The following NALF1 variants were observed in gnomAD, a reference collection of about 807,000 sequenced individuals.
The protein encoded by NALF1 is family with sequence similarity 155 member A.
NALF1 carries 3 observed loss-of-function variants against 48.4 expected under a neutral mutation model. That is an observed-to-expected ratio of 0.06 (90% CI 0.03 to 0.16). NALF1 has a LOEUF of 0.16. Among genes scored for constraint, NALF1 ranks in the 10% least tolerant of loss-of-function variants. The pLI, the probability that NALF1 is intolerant of heterozygous loss-of-function variation, is 1.00. For synonymous variants in NALF1, 262 were observed against 245.7 expected, an observed-to-expected ratio of 1.07 and a Z score of -0.62; for missense variants, 526 against 571.5, an observed-to-expected ratio of 0.92 and a Z score of 0.81.
chr13:107,218,043 G>A (rs1879911492), intron 1 of NALF1, among the ~76,000 whole-genome samples: 1 of 152,102 alleles, frequency 6.6e-6, no homozygotes, highest in African/African-American at 2.4e-5. Context: ...CTGAGCAGTC[G>A]AGACTCATCT....
At chr13:107,592,695 G>C (rs1169083801) in intron 1 of NALF1, among the ~76,000 whole-genome samples, 1 of 151,546 alleles carries the variant, frequency 6.6e-6, no homozygotes, top group African/African-American at 2.4e-5. Flanking sequence ...CTCATTTTTT[G>C]GTTGTTATCA....
chr13:107,691,508 C>T (rs1881568673), intron 1 of NALF1, among the ~76,000 whole-genome samples: 1 of 152,208 alleles, frequency 6.6e-6, no homozygotes, highest in Non-Finnish European at 1.5e-5. Context: ...AAAAACAGGT[C>T]ATCTTCCTTC....
chr13:107,783,552 T>C (rs1877984545), intron 1 of NALF1, among the ~76,000 whole-genome samples: 1 of 152,228 alleles, frequency 6.6e-6, no homozygotes, highest in Non-Finnish European at 1.5e-5. Flanking sequence ...CCTGTTGATC[T>C]GTGACCTTAC....
At chr13:107,380,977 C>CA (rs1216225434) in intron 1 of NALF1, among the ~76,000 whole-genome samples, 637 of 52,998 alleles carry the variant, frequency 0.012, 8 homozygotes, top group East Asian at 0.03. Context: ...GACACGGTCT[C>CA]AAAAAAAAAA....
intron 1 of NALF1, chr13:107,835,360 T>G (rs1412557985): frequency 6.6e-6 from 1 of 152,166 alleles, no homozygotes; most frequent in Non-Finnish European, 1.5e-5. Context: ...TCTTGGCTCC[T>G]AACTCTCACA....
At chr13:107,603,455 TAA>T (rs900690397) in intron 1 of NALF1, among the ~76,000 whole-genome samples, 6 of 152,140 alleles carry the variant, frequency 3.9e-5, no homozygotes, top group African/African-American at 1.4e-4. Context: ...TTTTTAGAGA[TAA>T]AAGTCATCAA....
At chr13:107,344,174 T>G (rs1374618158) in intron 1 of NALF1, among the ~76,000 whole-genome samples, 1 of 152,062 alleles carries the variant, frequency 6.6e-6, no homozygotes, top group Non-Finnish European at 1.5e-5. Flanking sequence ...TTATAACTAT[T>G]AAGAAAATTG....
intron 1 of NALF1, among the ~76,000 whole-genome samples, chr13:107,278,168 T>C (rs1881316951): frequency 6.6e-6 from 1 of 152,204 alleles, no homozygotes; most frequent in Non-Finnish European, 1.5e-5. Context: ...TTAAGGATAT[T>C]TCGCAGAAGG....
chr13:107,183,526 AT>A (rs1271191047), intron 2 of NALF1, among the ~76,000 whole-genome samples: 1 of 152,220 alleles, frequency 6.6e-6, no homozygotes, highest in Non-Finnish European at 1.5e-5. Flanking sequence ...TCATTCTACT[AT>A]AAAGACACAT....
intron 1 of NALF1, among the ~76,000 whole-genome samples, chr13:107,236,731 A>G (rs987548633): frequency 1.5e-5 from 2 of 129,724 alleles, no homozygotes; most frequent in African/African-American, 5.9e-5. Context: ...CTATCTATCT[A>G]TCTATCATCT....
chr13:107,336,852 G>A (rs1882567555), intron 1 of NALF1, among the ~76,000 whole-genome samples: 1 of 151,888 alleles, frequency 6.6e-6, no homozygotes, highest in Admixed American at 6.6e-5. Flanking sequence ...GCAGGATCAA[G>A]GAAGAAAATG....
chr13:107,390,718 A>G (rs965079263), intron 1 of NALF1, among the ~76,000 whole-genome samples: 49 of 152,128 alleles, frequency 3.2e-4, no homozygotes, highest in African/African-American at 1.1e-3. Context: ...CATTTCACAG[A>G]TAAGAGAGGG....
intron 1 of NALF1, among the ~76,000 whole-genome samples, chr13:107,374,594 T>G (rs1883304174): frequency 6.6e-6 from 1 of 151,402 alleles, no homozygotes. Flanking sequence ...AGACTTACCC[T>G]TGTCTTTTGG....
chr13:107,487,954 T>C (rs536806311), intron 1 of NALF1, among the ~76,000 whole-genome samples: 22 of 152,064 alleles, frequency 1.4e-4, no homozygotes, highest in African/African-American at 5.1e-4. Context: ...TCAGAACTCA[T>C]TATTGGTCTG....
intron 1 of NALF1, among the ~76,000 whole-genome samples, chr13:107,677,838 A>G (rs201827928): frequency 6.9e-6 from 1 of 144,858 alleles, no homozygotes; most frequent in African/African-American, 2.6e-5. Context: ...ACACAAGCAA[A>G]CAAAACAAAA....
At position 107,494,371 on chromosome 13, in the gene NALF1, C is replaced by T. The variant is rs150866284; in HGVS notation, c.916-283616G>A. ...TTGGATGGAACCAGGCACTTGCTGA[C>T]TTTGTTGATAAACAGAAAAAAGCAA... is the stretch of plus-strand genomic sequence containing the variant. On this transcript the variant is annotated intron_variant, in intron 1 of 2. Transcript: ENST00000375915. Among the ~76,000 whole-genome samples the T allele has an allele frequency of 6.2e-4, 94 of 152,220 alleles. 6 individuals carry two copies. Among genetic ancestry groups the T allele is most frequent in the African/African-American group, 2.2e-3 (91 of 41,532 alleles).
At chr13:107,480,641 T>C (rs1301033259) in intron 1 of NALF1, among the ~76,000 whole-genome samples, 1 of 152,188 alleles carries the variant, frequency 6.6e-6, no homozygotes, top group Non-Finnish European at 1.5e-5. Context: ...CAAATTTGTG[T>C]TGGGCCTCAT....
At chr13:107,290,187 CAAA>C (rs60166851) in intron 1 of NALF1, among the ~76,000 whole-genome samples, 37 of 143,268 alleles carry the variant, frequency 2.6e-4, no homozygotes, top group African/African-American at 9.2e-4. Flanking sequence ...AAAAAAAAAA[CAAA>C]AAAAAAAACC....
At chr13:107,740,357 C>T (rs574049410) in intron 1 of NALF1, among the ~76,000 whole-genome samples, 2 of 152,230 alleles carry the variant, frequency 1.3e-5, no homozygotes, top group South Asian at 4.1e-4. Context: ...AGAAGAGATA[C>T]AGTCTGTGAG....
Sources: gnomAD v4.1 joint callset for allele counts (sites outside exome capture counted in the v4.1 genomes callset) on GRCh38, gnomAD v4.1.1 for gene constraint, MANE v1.5 for transcripts, NCBI Gene and HGNC (gene_info 2026-07-23, HGNC 2026-07-21) for gene names.